The following GNPTAB variants were observed in gnomAD, a reference collection of about 807,000 sequenced individuals.
The protein encoded by GNPTAB is N-acetylglucosamine-1-phosphate transferase subunits alpha and beta.
GNPTAB carries 92 observed loss-of-function variants against 136.6 expected under a neutral mutation model. That is an observed-to-expected ratio of 0.67 (90% CI 0.57 to 0.80). The LOEUF is 0.80. GNPTAB is among the 30% of genes least tolerant of loss of function. The probability of loss-of-function intolerance (pLI) is 0.00; values close to 1 mark genes in which losing one functional copy is unlikely to be tolerated. For synonymous variants in GNPTAB, 512 were observed against 535.1 expected, an observed-to-expected ratio of 0.96 and a Z score of 0.60; for missense variants, 1,343 against 1,501.8, an observed-to-expected ratio of 0.89 and a Z score of 1.75.
At chr12:101,764,176 A>G in intron 13 of GNPTAB, 26 bp downstream of exon 13, 7 of 1,613,944 alleles carry the variant, frequency 4.3e-6, no homozygotes, top group Non-Finnish European at 5.9e-6. Flanking sequence ...TGAGCATGAG[A>G]AAGAATGAGG....
At chr12:101,749,712 C>T (rs1262163462) in intron 19 of GNPTAB, among the ~76,000 whole-genome samples, 2 of 152,224 alleles carry the variant, frequency 1.3e-5, no homozygotes, top group Non-Finnish European at 2.9e-5. Flanking sequence ...GGTGGCATTT[C>T]CTGTAAGCCT....
At chr12:101,819,271 C>G (rs1870680631) in intron 1 of GNPTAB, among the ~76,000 whole-genome samples, 1 of 152,170 alleles carries the variant, frequency 6.6e-6, no homozygotes, top group South Asian at 2.1e-4. Context: ...CCCGGCCTCC[C>G]AAAGTGCTGG....
At chr12:101,803,955 G>A (rs1472701846) in intron 1 of GNPTAB, among the ~76,000 whole-genome samples, 1 of 152,110 alleles carries the variant, frequency 6.6e-6, no homozygotes, top group Non-Finnish European at 1.5e-5. Context: ...ATACTGTCTA[G>A]GCATGGTGGC....
intron 5 of GNPTAB, 148 bp from the exon 6 acceptor site, chr12:101,780,769 C>G: frequency 1.5e-6 from 1 of 678,232 alleles, no homozygotes; most frequent in East Asian, 2.7e-5. Context: ...CAAAATTAGC[C>G]CATTCAACAA....
chr12:101,761,561 T>TA lies in GNPTAB; in HGVS notation c.2915+2dup. 6.2e-7 allele frequency: 1 copy of TA among 1,612,788 alleles called. No individual in the cohort carries two copies. The highest frequency in any genetic ancestry group is 8.5e-7 in the Non-Finnish European group (1 of 1,179,342). On this transcript the variant is annotated splice_region_variant and intron_variant, in intron 14 of 20. Coordinates refer to ENST00000299314, the MANE Select transcript of GNPTAB (RefSeq NM_024312.5). ...AAACAACTCAAACACGAGCAAGACT[T>TA]ACATATCTTGCAGTTCTTGCATAAC... is the stretch of plus-strand genomic sequence containing the variant.
chr12:101,792,302 G>A (rs774447192), intron 2 of GNPTAB, among the ~76,000 whole-genome samples: 1 of 152,152 alleles, frequency 6.6e-6, no homozygotes, highest in Non-Finnish European at 1.5e-5. Context: ...CCTGAGCAGA[G>A]GGGAGAGAGG....
At chr12:101,813,184 T>C (rs7294980) in intron 1 of GNPTAB, among the ~76,000 whole-genome samples, 97,310 of 152,018 alleles carry the variant, frequency 0.64, 32,576 homozygotes, top group East Asian at 0.92. Flanking sequence ...GAAGGGAAAC[T>C]AGAGTATGAA....
rs1334740927 is a variant in GNPTAB, at chr12:101,821,742, T to C, written c.117+8817A>G. 3.3e-5 allele frequency among the ~76,000 whole-genome samples: 5 copies of C among 152,180 alleles called. No individual in the cohort carries two copies. The East Asian group carries it at 9.6e-4, about 29-fold the overall frequency. ...ACAAAATTACCAAGAGAACTCACTA[T>C]GGGTCCATGAAGTTGGGTGGGTACC... On this transcript the variant is annotated intron_variant, in intron 1 of 20. Coordinates refer to ENST00000299314, the MANE Select transcript of GNPTAB (RefSeq NM_024312.5).
chr12:101,801,269 T>C (rs1252538101), intron 1 of GNPTAB, among the ~76,000 whole-genome samples: 1 of 107,020 alleles, frequency 9.3e-6, no homozygotes, highest in Non-Finnish European at 1.8e-5. Flanking sequence ...AGGCCAGGCA[T>C]AGTTGCTCAT....
chr12:101,798,803 T>C (rs934749148), intron 1 of GNPTAB, among the ~76,000 whole-genome samples: 1 of 152,164 alleles, frequency 6.6e-6, no homozygotes, highest in African/African-American at 2.4e-5. Flanking sequence ...CATGTTGCGG[T>C]AAAAAGTGAT....
intron 5 of GNPTAB, 101 bp downstream of exon 5, chr12:101,785,911 A>G: frequency 1.1e-6 from 1 of 940,208 alleles, no homozygotes; most frequent in Non-Finnish European, 1.6e-6. Context: ...AGAAAAGTTT[A>G]TCAGACATTT....
intron 1 of GNPTAB, among the ~76,000 whole-genome samples, chr12:101,824,139 A>G (rs1184459210): frequency 5.9e-5 from 9 of 152,142 alleles, no homozygotes; most frequent in Non-Finnish European, 1.3e-4. Flanking sequence ...TAACAAGGGT[A>G]TAACAAGGGC....
At chr12:101,780,379 C>A in intron 6 of GNPTAB, 93 bp from the exon 7 acceptor site, 1 of 1,331,004 alleles carries the variant, frequency 7.5e-7, no homozygotes, top group Non-Finnish European at 1.1e-6. Flanking sequence ...TATTGCATCA[C>A]AACACAAGCT....
Position 101,753,458 on chromosome 12 carries a change from A to G in GNPTAB, c.3516T>C (p.Tyr1172=), listed in dbSNP as rs201592854. The G allele has an allele frequency of 4.3e-4, 701 of 1,613,738 alleles. 1 individual carries two copies. The highest frequency in any genetic ancestry group is 2.0e-4 in the Admixed American group (12 of 60,016). Residue 1172 remains tyrosine, a synonymous_variant, in exon 19 of 21, where the codon TAT becomes TAC. Transcript: ENST00000299314. The stretch of plus-strand genomic sequence containing the variant: ...GGGAAGGTATGGGGAACATGGATTC[A>G]TAGAAGTCCCTGAGAACAGCCTTCA... The part of the protein sequence containing the change: ...QTVKAVLRDF[Y]ESMFPIPSQF...
At chr12:101,765,644 CTA>C (rs1399189018) in intron 12 of GNPTAB, 13 of 370,852 alleles carry the variant, frequency 3.5e-5, no homozygotes, top group African/African-American at 2.7e-4. Context: ...TCCTGACTCA[CTA>C]TAGAGATATG....
At chr12:101,757,718 C>T (rs904104844) in intron 16 of GNPTAB, 61 bp from the exon 17 acceptor site, 7 of 845,460 alleles carry the variant, frequency 8.3e-6, no homozygotes, top group Non-Finnish European at 1.2e-5. Context: ...GCAATTTAGT[C>T]CTAATCTTAG....
Position 101,765,071 on chromosome 12 carries a change from T to C in GNPTAB, c.1846A>G (p.Thr616Ala). 6.2e-7 allele frequency: 1 copy of C among 1,610,040 alleles called. No individual in the cohort carries two copies. The highest frequency in any genetic ancestry group is 8.5e-7 in the Non-Finnish European group (1 of 1,176,272). ...TCTTCATCGTTTGTATTTTGAAACGTGAGATTAAAATGTATTGTGGTGGCA... is the reference window on the plus strand; with the variant it reads ...TCTTCATCGTTTGTATTTTGAAACGCGAGATTAAAATGTATTGTGGTGGCA... The part of the protein sequence containing the change: ...MNATTIHFNL[T>A]FQNTNDEEFK... Residue 616 changes from threonine to alanine, a missense_variant, in exon 13 of 21, where the codon ACG becomes GCG. Coordinates refer to ENST00000299314, the MANE Select transcript of GNPTAB (RefSeq NM_024312.5).
chr12:101,818,468 C>T (rs1252595682), intron 1 of GNPTAB, among the ~76,000 whole-genome samples: 2 of 151,452 alleles, frequency 1.3e-5, no homozygotes, highest in Non-Finnish European at 2.9e-5. Context: ...ACCTCCATCT[C>T]CCAGATTCAA....
chr12:101,808,490 C>T (rs754402978), intron 1 of GNPTAB, among the ~76,000 whole-genome samples: 8 of 151,712 alleles, frequency 5.3e-5, no homozygotes, highest in Non-Finnish European at 8.8e-5. Context: ...TATAGTGAGT[C>T]GTGTTCACGC....
Sources: allele counts gnomAD v4.1 joint callset (sites outside exome capture counted in the v4.1 genomes callset), GRCh38; gene constraint gnomAD v4.1.1; transcripts MANE v1.5; gene names NCBI Gene and HGNC (gene_info 2026-07-23, HGNC 2026-07-21).